Variants in ANKRD44 observed in about 807,000 individuals in gnomAD.
ANKRD44 encodes the protein serine/threonine-protein phosphatase 6 regulatory ankyrin repeat subunit B.
Under a neutral mutation model 116.0 loss-of-function variants are expected in ANKRD44, and 35 were observed. The observed-to-expected ratio is 0.30, with a 90% CI of 0.23 to 0.40. ANKRD44 has a LOEUF of 0.40. Among genes scored for constraint, ANKRD44 ranks in the 10% least tolerant of loss-of-function variants. ANKRD44 has a pLI of 1.00. For synonymous variants in ANKRD44, 435 were observed against 461.8 expected (o/e 0.94, Z 0.74); for missense variants, 1,014 against 1,242.6 (o/e 0.82, Z 2.77).
downstream of ANKRD44, among the ~76,000 whole-genome samples, chr2:196,983,078 C>T (rs900049357): frequency 2.6e-5 from 4 of 151,934 alleles, no homozygotes; most frequent in African/African-American, 9.7e-5. Flanking sequence ...CTAATGCATG[C>T]GGGGCCTAAA....
intron 2 of ANKRD44, among the ~76,000 whole-genome samples, chr2:197,158,138 T>G (rs1441999942): frequency 6.6e-6 from 1 of 152,164 alleles, no homozygotes; most frequent in Non-Finnish European, 1.5e-5. Context: ...AACCACCCAC[T>G]GCCAAGATAA....
intron 16 of ANKRD44, among the ~76,000 whole-genome samples, chr2:197,032,834 T>C (rs533729077): frequency 6.6e-6 from 1 of 152,316 alleles, no homozygotes; most frequent in South Asian, 2.1e-4. Context: ...ACACAGATCA[T>C]TAACTGAACA....
At chr2:197,268,507 GA>G (rs1236379699) in intron 1 of ANKRD44, among the ~76,000 whole-genome samples, 20 of 152,090 alleles carry the variant, frequency 1.3e-4, no homozygotes, top group Non-Finnish European at 2.4e-4. Context: ...AAGTCTGCAA[GA>G]GAAGTATACT....
At chr2:197,004,738 C>A (rs1172535511) in intron 21 of ANKRD44, among the ~76,000 whole-genome samples, 1 of 151,810 alleles carries the variant, frequency 6.6e-6, no homozygotes, top group Non-Finnish European at 1.5e-5. Flanking sequence ...ATACACAAAC[C>A]CCCTTACTCA....
intron 16 of ANKRD44, among the ~76,000 whole-genome samples, chr2:197,065,857 G>T (rs187498046): frequency 0.014 from 2,203 of 152,218 alleles, 20 homozygotes; most frequent in African/African-American, 0.021. Flanking sequence ...TTCTACCAGA[G>T]GTACAAGGAG....
chr2:197,065,253 A>G (rs2077405974), intron 16 of ANKRD44, among the ~76,000 whole-genome samples: 3 of 152,208 alleles, frequency 2.0e-5, no homozygotes, highest in Non-Finnish European at 4.4e-5. Flanking sequence ...CTTTGAAACC[A>G]ATGAGAACAA....
At chr2:197,067,015 G>A (rs1439803092) in intron 16 of ANKRD44, among the ~76,000 whole-genome samples, 18 of 152,118 alleles carry the variant, frequency 1.2e-4, no homozygotes, top group Non-Finnish European at 2.9e-5. Context: ...GAGGCATCAT[G>A]CTACCTGACT....
At chr2:196,971,871 AGTTT>A (rs1011823260) in intron 21 of ANKRD44, among the ~76,000 whole-genome samples, 23 of 152,122 alleles carry the variant, frequency 1.5e-4, no homozygotes, top group Middle Eastern at 3.4e-3. Flanking sequence ...CTTTTTGACT[AGTTT>A]TATACCCAAG....
At chr2:197,255,597 G>A (rs73988418) in intron 1 of ANKRD44, among the ~76,000 whole-genome samples, 6,730 of 152,314 alleles carry the variant, frequency 0.044, 514 homozygotes, top group African/African-American at 0.15. Flanking sequence ...TGTAAGTTAT[G>A]GCCCCAAAAC....
At chr2:197,237,014 G>A (rs1253925105) in intron 1 of ANKRD44, among the ~76,000 whole-genome samples, 4 of 152,200 alleles carry the variant, frequency 2.6e-5, no homozygotes, top group Non-Finnish European at 5.9e-5. Flanking sequence ...TTGATGCCCT[G>A]GCAGCGGGGA....
At chr2:197,083,649 CCTT>C (rs1367835577) in intron 13 of ANKRD44, 140 bp from the exon 14 acceptor site, 2 of 766,282 alleles carry the variant, frequency 2.6e-6, no homozygotes, top group African/African-American at 3.6e-5. Flanking sequence ...GTCATGCCTT[CCTT>C]CAACTATACA....
At chr2:197,147,156 T>A in intron 2 of ANKRD44, 51 bp from the exon 3 acceptor site, 1 of 1,527,574 alleles carries the variant, frequency 6.5e-7, no homozygotes, top group Admixed American at 1.7e-5. Flanking sequence ...CAGCTGGAGG[T>A]CCCTTTTGTA....
intron 4 of ANKRD44, chr2:197,136,031 T>C (rs921616477): frequency 6.4e-6 from 1 of 157,438 alleles, no homozygotes; most frequent in African/African-American, 2.4e-5. Context: ...ACCACTCCCC[T>C]GCTGTGACCA....
chr2:196,976,167 T>C (rs2125861749), intron 21 of ANKRD44, among the ~76,000 whole-genome samples: 1 of 152,308 alleles, frequency 6.6e-6, no homozygotes, highest in African/African-American at 2.4e-5. Context: ...AGTCTCGCTC[T>C]GTCGCCCAGG....
At chr2:197,267,985 GAGC>G (rs1419294341) in intron 1 of ANKRD44, among the ~76,000 whole-genome samples, 1 of 152,204 alleles carries the variant, frequency 6.6e-6, no homozygotes, top group Non-Finnish European at 1.5e-5. Flanking sequence ...GGTCAGGCTG[GAGC>G]TCCTTAAATC....
In ANKRD44 at chr2:197,187,146, T is replaced by C. The variant is rs768663283; in HGVS notation, c.28-40A>G. The C allele has an allele frequency of 4.4e-6, 7 of 1,576,648 alleles. No homozygotes were observed. In the South Asian group the frequency reaches 6.6e-5, roughly 15 times the overall value. On this transcript the variant is annotated intron_variant, in intron 1 of 27. Transcript: ENST00000282272. ...GAATGGGAATCAGAACTAAAATTAA[T>C]ACATCTGATCACATACAGATGCAGA...
intron 9 of ANKRD44, among the ~76,000 whole-genome samples, chr2:197,107,777 G>C (rs2078467344): frequency 6.6e-6 from 1 of 152,228 alleles, no homozygotes; most frequent in Admixed American, 6.5e-5. Context: ...CCACTCTGGG[G>C]GGACTGACAC....
At chr2:197,171,250 T>C (rs901018091) in intron 2 of ANKRD44, among the ~76,000 whole-genome samples, 1 of 152,092 alleles carries the variant, frequency 6.6e-6, no homozygotes, top group Non-Finnish European at 1.5e-5. Flanking sequence ...CAAAGAGTGA[T>C]GGGAGAAGGA....
At chr2:197,069,629 C>T (rs1207869154) in intron 16 of ANKRD44, among the ~76,000 whole-genome samples, 1 of 151,988 alleles carries the variant, frequency 6.6e-6, no homozygotes, top group Non-Finnish European at 1.5e-5. Context: ...GGTATTGACA[C>T]AGTAGTATAA....
Sources: allele counts gnomAD v4.1 joint callset (sites outside exome capture counted in the v4.1 genomes callset), GRCh38; gene constraint gnomAD v4.1.1; transcripts MANE v1.5; gene names NCBI Gene and HGNC (gene_info 2026-07-23, HGNC 2026-07-21).